MCUB: variants seen among roughly 807,000 people sequenced by gnomAD.
MCUB encodes the protein mitochondrial calcium uniporter dominant negative subunit beta.
A neutral mutation model predicts 41.4 loss-of-function variants in MCUB; 46 were observed. That is an observed-to-expected ratio of 1.11 (90% CI 0.88 to 1.42). MCUB has a LOEUF of 1.42. Ranked by LOEUF, MCUB falls within the 40% of genes most tolerant of loss-of-function variation. MCUB has a pLI of 0.00. For synonymous variants in MCUB, 148 were observed against 148.2 expected, an observed-to-expected ratio of 1.00 and a Z score of 0.01; for missense variants, 403 against 404.9, an observed-to-expected ratio of 1.00 and a Z score of 0.04.
At chr4:109,605,710 C>T (rs1455497108) in intron 1 of MCUB, among the ~76,000 whole-genome samples, 1 of 152,088 alleles carries the variant, frequency 6.6e-6, no homozygotes, top group East Asian at 1.9e-4. Flanking sequence ...TGGGATGATC[C>T]AGTGTTGGGT....
rs150722880 is a variant in MCUB at position 109,607,840 on chromosome 4, A to G, written c.99+47404A>G. Among the ~76,000 whole-genome samples, 75 of 152,092 alleles carry G rather than the reference A, an allele frequency of 4.9e-4. No homozygotes were observed. The East Asian group carries it at 0.013, about 26-fold the overall frequency. ...CTTTTCTTTATCCTTGACCTTTGGGAATTTGATTATTAAATGCCTTGAGGT... is the reference window on the plus strand; with the variant it reads ...CTTTTCTTTATCCTTGACCTTTGGGGATTTGATTATTAAATGCCTTGAGGT... On this transcript the variant is annotated intron_variant, in intron 1 of 7. Coordinates refer to ENST00000394650, the MANE Select transcript of MCUB (RefSeq NM_017918.5).
chr4:109,668,851 C>T (rs1729398231), intron 4 of MCUB, among the ~76,000 whole-genome samples: 1 of 151,964 alleles, frequency 6.6e-6, no homozygotes, highest in Non-Finnish European at 1.5e-5. Flanking sequence ...TATACATTTA[C>T]AACTATTGCA....
chr4:109,601,894 G>A (rs981984350), intron 1 of MCUB, among the ~76,000 whole-genome samples: 3 of 152,106 alleles, frequency 2.0e-5, no homozygotes, highest in South Asian at 2.1e-4. Context: ...CTTCACCAAC[G>A]TTTGTTATTG....
At chr4:109,681,821 A>G (rs1055962684) in intron 4 of MCUB, among the ~76,000 whole-genome samples, 1 of 152,260 alleles carries the variant, frequency 6.6e-6, no homozygotes, top group Non-Finnish European at 1.5e-5. Context: ...AGTGGTGGAC[A>G]GTGAGCGAAA....
chr4:109,643,019 T>C (rs1728755295), intron 1 of MCUB, among the ~76,000 whole-genome samples: 1 of 151,044 alleles, frequency 6.6e-6, no homozygotes, highest in Non-Finnish European at 1.5e-5. Context: ...TGTCTCAAAC[T>C]CCTGACCTGG....
chr4:109,619,628 A>G (rs1728211802), intron 1 of MCUB, among the ~76,000 whole-genome samples: 1 of 152,002 alleles, frequency 6.6e-6, no homozygotes, highest in Non-Finnish European at 1.5e-5. Context: ...AATCACTTGA[A>G]CCTGGGAGGT....
chr4:109,682,802 C>CACATGAGGAGCA, intron 5 of MCUB, 60 bp downstream of exon 5: 1 of 1,298,884 alleles, frequency 7.7e-7, no homozygotes. Context: ...ATTGAGTGCT[C>CACATGAGGAGCA]CTCATGTGAG....
chr4:109,602,393 G>A (rs1224417660), intron 1 of MCUB, among the ~76,000 whole-genome samples: 3 of 152,194 alleles, frequency 2.0e-5, no homozygotes, highest in Admixed American at 6.5e-5. Context: ...TCTGTAAACA[G>A]CAAGAAATAG....
chr4:109,656,354 C>CTTTTTTTTTTTTTTTTTT (rs752851425), intron 1 of MCUB, among the ~76,000 whole-genome samples: 2 of 62,116 alleles, frequency 3.2e-5, no homozygotes, highest in East Asian at 6.4e-4. Flanking sequence ...TTACTCTCTA[C>CTTTTTTTTTTTTTTTTTT]TTTTTTTTTT....
At chr4:109,576,077 T>C (rs1379379340) in intron 1 of MCUB, among the ~76,000 whole-genome samples, 3 of 152,210 alleles carry the variant, frequency 2.0e-5, no homozygotes, top group Admixed American at 6.5e-5. Flanking sequence ...GACCATTTTC[T>C]ACCATGTGGA....
intron 1 of MCUB, among the ~76,000 whole-genome samples, chr4:109,582,836 A>G (rs1182990233): frequency 3.9e-5 from 6 of 152,114 alleles, no homozygotes; most frequent in African/African-American, 1.2e-4. Context: ...TCCTTTCCCT[A>G]TTTCTTGTTT....
At chr4:109,667,641 T>C (rs914878098) in intron 4 of MCUB, among the ~76,000 whole-genome samples, 3 of 150,492 alleles carry the variant, frequency 2.0e-5, no homozygotes, top group Non-Finnish European at 3.0e-5. Context: ...GAGTATATTA[T>C]ATACTCTACA....
intron 4 of MCUB, among the ~76,000 whole-genome samples, chr4:109,677,184 C>T (rs72886546): frequency 0.039 from 5,893 of 152,274 alleles, 406 homozygotes; most frequent in African/African-American, 0.14. Flanking sequence ...TTTGGACTTA[C>T]GTGGGACCAG....
intron 1 of MCUB, among the ~76,000 whole-genome samples, chr4:109,640,048 C>G (rs1294542898): frequency 6.6e-6 from 1 of 152,100 alleles, no homozygotes; most frequent in Non-Finnish European, 1.5e-5. Context: ...GTGAGATTAT[C>G]GTTAGTTCTT....
chr4:109,636,108 C>A (rs996272126), intron 1 of MCUB, among the ~76,000 whole-genome samples: 3 of 152,094 alleles, frequency 2.0e-5, no homozygotes, highest in African/African-American at 7.2e-5. Flanking sequence ...ATCTAACTGA[C>A]CCAGCTTGGA....
rs56813205 is a variant in MCUB at position 109,612,263 on chromosome 4, C to CTTTTT, written c.100-46733_100-46729dup. On this transcript the variant is annotated intron_variant, in intron 1 of 7. Coordinates refer to ENST00000394650, the MANE Select transcript of MCUB (RefSeq NM_017918.5). ...GGTATTTCTTCCTCCTCCTCCTTTT[C>CTTTTT]TTTTTTTTTTTTTTTTTTTGAGAGC... 1.1e-3 allele frequency among the ~76,000 whole-genome samples: 130 copies of CTTTTT among 114,804 alleles called. 2 individuals are homozygous for CTTTTT. Among genetic ancestry groups the CTTTTT allele is most frequent in the African/African-American group, 3.8e-3 (114 of 29,734 alleles). The allele number at this position is 114,804 out of a possible 152,430, so 75.3% of individuals were successfully genotyped here.
intron 1 of MCUB, among the ~76,000 whole-genome samples, chr4:109,579,683 T>A (rs562239296): frequency 1.3e-5 from 2 of 152,288 alleles, no homozygotes; most frequent in South Asian, 4.1e-4. Context: ...AGCCAACTTT[T>A]AAATTCACTA....
At chr4:109,594,764 G>A (rs946113749) in intron 1 of MCUB, among the ~76,000 whole-genome samples, 3 of 151,082 alleles carry the variant, frequency 2.0e-5, no homozygotes, top group African/African-American at 7.3e-5. Context: ...AGAGGCCTCC[G>A]GAAAAATTCT....
chr4:109,671,652 C>T (rs1466332888), intron 4 of MCUB, among the ~76,000 whole-genome samples: 2 of 152,296 alleles, frequency 1.3e-5, no homozygotes, highest in East Asian at 1.9e-4. Flanking sequence ...CCATTAGAGC[C>T]TTTAATCATA....
Sources: gnomAD v4.1 joint callset for allele counts (sites outside exome capture counted in the v4.1 genomes callset) on GRCh38, gnomAD v4.1.1 for gene constraint, MANE v1.5 for transcripts, NCBI Gene and HGNC (gene_info 2026-07-23, HGNC 2026-07-21) for gene names.